The following PRMT7 variants were observed in gnomAD, a reference collection of about 807,000 sequenced individuals.
The protein encoded by PRMT7 is protein arginine N-methyltransferase 7.
Under a neutral mutation model 85.4 loss-of-function variants are expected in PRMT7, and 75 were observed. The observed-to-expected ratio is 0.88, with a 90% CI of 0.73 to 1.06. The LOEUF is 1.06. PRMT7 is among the 50% of genes least tolerant of loss of function. The probability of loss-of-function intolerance (pLI) is 0.00; values close to 1 mark genes in which losing one functional copy is unlikely to be tolerated. For missense variants in PRMT7, 868 were observed against 915.2 expected, an observed-to-expected ratio of 0.95 and a Z score of 0.67; for synonymous variants, 397 against 359.5, an observed-to-expected ratio of 1.10 and a Z score of -1.18.
intron 9 of PRMT7, among the ~76,000 whole-genome samples, chr16:68,345,010 G>T (rs1188525548): frequency 7.3e-6 from 1 of 136,244 alleles, no homozygotes; most frequent in Non-Finnish European, 1.6e-5. Context: ...GTAAGTTGCA[G>T]ACATCTGACA....
chr16:68,343,796 C>T lies in PRMT7; in HGVS notation c.928-1879C>T, dbSNP rs1419446494. Among the ~76,000 whole-genome samples, 3 of 152,282 alleles carry T rather than the reference C, an allele frequency of 2.0e-5. No individual in the cohort carries two copies. In the East Asian group the frequency reaches 5.8e-4, roughly 29 times the overall value. ...TTTCTAGTTTTTATGTTCAAGTAAG[C>T]GTCTTAAGCGTGTGGGAATGTCATT... On this transcript the variant is annotated intron_variant, in intron 9 of 18. Transcript: ENST00000441236.
rs200755530 is a variant in PRMT7, at chr16:68,330,027, G to A, written c.391+853G>A. Among the ~76,000 whole-genome samples, 17 of 151,968 alleles carry A rather than the reference G, an allele frequency of 1.1e-4. No homozygotes were observed. In the East Asian group the frequency reaches 2.9e-3, roughly 26 times the overall value. On this transcript the variant is annotated intron_variant, in intron 6 of 18. Coordinates refer to ENST00000441236, the MANE Select transcript of PRMT7 (RefSeq NM_019023.5). Reference sequence around the variant, plus strand: ...TCCTGCCTCAGCCTCCCAAGTAGCGGTGATTACAGGTGCCTGCCACCACAC... The same window carrying A: ...TCCTGCCTCAGCCTCCCAAGTAGCGATGATTACAGGTGCCTGCCACCACAC...
chr16:68,355,577 G>A (rs2088251977), intron 16 of PRMT7, 146 bp from the exon 17 acceptor site: 4 of 784,168 alleles, frequency 5.1e-6, no homozygotes, highest in East Asian at 6.5e-5. Flanking sequence ...GAGAGGGGGC[G>A]CCGCTGGTCT....
At chr16:68,346,041 T>G in intron 10 of PRMT7, 104 bp from the exon 11 acceptor site, 1 of 1,541,384 alleles carries the variant, frequency 6.5e-7, no homozygotes, top group South Asian at 1.2e-5. Flanking sequence ...TAGCGGGTGC[T>G]CTAAGCCCTC....
chr16:68,330,262 A>G (rs945379555), intron 6 of PRMT7, among the ~76,000 whole-genome samples: 1 of 152,206 alleles, frequency 6.6e-6, no homozygotes, highest in Non-Finnish European at 1.5e-5. Flanking sequence ...ACTGACACTT[A>G]GAGAACATAG....
Position 68,355,799 on chromosome 16 carries a change from A to C in PRMT7, c.1727A>C (p.Glu576Ala). Reference protein sequence around the residue: ...LWEYPCRSLSEPWQILTFDFQ... With the variant: ...LWEYPCRSLSAPWQILTFDFQ... ...GAGTACCCATGCCGCAGCCTCTCCG[A>C]GCCCTGGCAGATCCTGACCTTTGAC... The change falls in exon 17 of 19, where the codon GAG (glutamate) becomes GCG (alanine). Residue 576 changes from glutamate (E) to alanine (A), a missense_variant. Physicochemically the swap from Glu to Ala is moderately radical, Grantham distance 107. Coordinates refer to ENST00000441236, the MANE Select transcript of PRMT7 (RefSeq NM_019023.5). 6.2e-7 allele frequency: 1 copy of C among 1,611,702 alleles called. No homozygotes were observed. Among genetic ancestry groups the C allele is most frequent in the South Asian group, 1.1e-5 (1 of 90,868 alleles).
chr16:68,357,105 C>T lies in PRMT7; in HGVS notation c.1960C>T (p.Pro654Ser), dbSNP rs554205251. Residue 654 changes from proline to serine, a missense_variant, in exon 19 of 19, where the codon CCT becomes TCT. Coordinates refer to ENST00000441236, the MANE Select transcript of PRMT7 (RefSeq NM_019023.5). ...CAAGCAGGCCGTCTACTTCTTCAGC[C>T]CTGCCCCAGATCCCAGAGCACTGCT... ...HCKQAVYFFS[P>S]APDPRALLGG... The T allele has an allele frequency of 4.5e-5, 73 of 1,613,798 alleles. 2 individuals carry two copies. In the South Asian group the frequency reaches 7.9e-4, roughly 17 times the overall value.
rs76202480 is a variant in PRMT7 at position 68,340,685 on chromosome 16, A to G, written c.927+717A>G. Among the ~76,000 whole-genome samples, 1,296 of 152,356 alleles carry G rather than the reference A, an allele frequency of 8.5e-3. 24 individuals carry two copies. The highest frequency in any genetic ancestry group is 0.03 in the African/African-American group (1,236 of 41,586). ...CAGTTTGCAAGCACACTGTTGGGGAAGCTCAGGGAAAAAGCAGGAAAGCGA... is the reference window on the plus strand; with the variant it reads ...CAGTTTGCAAGCACACTGTTGGGGAGGCTCAGGGAAAAAGCAGGAAAGCGA... On this transcript the variant is annotated intron_variant, in intron 9 of 18. Transcript: ENST00000441236.
At chr16:68,344,354 A>G (rs1385261429) in intron 9 of PRMT7, among the ~76,000 whole-genome samples, 2 of 152,198 alleles carry the variant, frequency 1.3e-5, no homozygotes, top group Non-Finnish European at 1.5e-5. Context: ...TATAAAATAA[A>G]AATATCACTC....
intron 4 of PRMT7, chr16:68,324,430 G>T: frequency 1.9e-6 from 1 of 518,558 alleles, no homozygotes; most frequent in East Asian, 3.6e-5. Flanking sequence ...GGAGAACATG[G>T]TTTGCAGGGC....
chr16:68,359,867 T>TAGGCATCTTGGGGCTGG (rs1242222543), downstream of PRMT7: 1 of 151,656 alleles, frequency 6.6e-6, no homozygotes, highest in African/African-American at 2.4e-5. Context: ...CTGGGGGCTG[T>TAGGCATCTTGGGGCTGG]AGGCATCTTG....
At chr16:68,344,933 T>TGCACACACACACACACACATAC (rs1555563400) in intron 9 of PRMT7, among the ~76,000 whole-genome samples, 1 of 131,130 alleles carries the variant, frequency 7.6e-6, no homozygotes, top group Non-Finnish European at 1.6e-5. Context: ...CCTGCATCTC[T>TGCACACACACACACACACATAC]ACACACACAC....
rs537288845 is a variant in PRMT7, at chr16:68,353,131, C to T, written c.1576-361C>T. On this transcript the variant is annotated intron_variant, in intron 15 of 18. Coordinates refer to ENST00000441236, the MANE Select transcript of PRMT7 (RefSeq NM_019023.5). ...GGGTTCCTCTTGGCAGGGCCTTTTT[C>T]TCTCCCCAGCATCCTCATGAACTGG... Among the ~76,000 whole-genome samples, 248 of 152,256 alleles carry T rather than the reference C, an allele frequency of 1.6e-3. No homozygotes were observed. In the Middle Eastern group the frequency reaches 0.02, roughly 13 times the overall value.
In PRMT7 at chr16:68,352,328, C is replaced by G; in HGVS notation, c.1494C>G (p.Thr498=). 1 of 1,612,868 alleles carries G rather than the reference C, an allele frequency of 6.2e-7. No individual in the cohort carries two copies. Among genetic ancestry groups the G allele is most frequent in the Non-Finnish European group, 8.5e-7 (1 of 1,180,012 alleles). ...ACCTCTACTTCTGGTACGTGCGGAC[C>G]GCTGTGGACCAGCACCTGGGGCCAG... ...WHNLYFWYVR[T]AVDQHLGPGA... Residue 498 remains threonine, a synonymous_variant, in exon 15 of 19, where the codon ACC becomes ACG. Transcript: ENST00000441236.
chr16:68,316,259 T>C, intron 3 of PRMT7, 185 bp downstream of exon 3: 1 of 563,974 alleles, frequency 1.8e-6, no homozygotes, highest in South Asian at 2.2e-5. Context: ...AAATCATGCC[T>C]GTTTGGAGAG....
At chr16:68,360,648 C>T (rs769740412), downstream of PRMT7, 4 of 155,808 alleles carry the variant, frequency 2.6e-5, no homozygotes, top group South Asian at 7.8e-4. Context: ...CCCTCGGACC[C>T]TGCAGGAGCC....
chr16:68,359,410 C>G (rs1282790921), downstream of PRMT7: 1 of 152,584 alleles, frequency 6.6e-6, no homozygotes, highest in African/African-American at 2.4e-5. Flanking sequence ...GGCTTGGGCC[C>G]GGGCAGACGG....
At position 68,355,789 on chromosome 16, in the gene PRMT7, A is replaced by T; in HGVS notation, c.1717A>T (p.Ser573Cys). 2 of 1,611,602 alleles carry T rather than the reference A, an allele frequency of 1.2e-6. No individual in the cohort carries two copies. Among genetic ancestry groups the T allele is most frequent in the Non-Finnish European group, 8.5e-7 (1 of 1,179,210 alleles). Residue 573 changes from serine to cysteine, a missense_variant, in exon 17 of 19, where the codon AGC becomes TGC. Physicochemically the swap from Ser to Cys is moderately radical, Grantham distance 112. Coordinates refer to ENST00000441236, the MANE Select transcript of PRMT7 (RefSeq NM_019023.5). ...PHPLWEYPCR[S>C]LSEPWQILTF... Reference sequence around the variant, plus strand: ...CCCGCTGTGGGAGTACCCATGCCGCAGCCTCTCCGAGCCCTGGCAGATCCT... The same window carrying T: ...CCCGCTGTGGGAGTACCCATGCCGCTGCCTCTCCGAGCCCTGGCAGATCCT...
chr16:68,352,337 C>T lies in PRMT7; in HGVS notation c.1503C>T (p.Asp501=), dbSNP rs771720734. 2 of 1,612,460 alleles carry T rather than the reference C, an allele frequency of 1.2e-6. No homozygotes were observed. The highest frequency in any genetic ancestry group is 1.7e-6 in the Non-Finnish European group (2 of 1,180,002). ...LYFWYVRTAV[D]QHLGPGAMVM... ...TCTGGTACGTGCGGACCGCTGTGGACCAGCACCTGGGGCCAGGTGCCATGG... is the reference window on the plus strand; with the variant it reads ...TCTGGTACGTGCGGACCGCTGTGGATCAGCACCTGGGGCCAGGTGCCATGG... Residue 501 remains aspartate (D), a synonymous_variant, in exon 15 of 19, where the codon GAC becomes GAT. Transcript: ENST00000441236.
Sources: allele counts gnomAD v4.1 joint callset (sites outside exome capture counted in the v4.1 genomes callset), GRCh38; gene constraint gnomAD v4.1.1; transcripts MANE v1.5; gene names NCBI Gene and HGNC (gene_info 2026-07-23, HGNC 2026-07-21).